NUP50: variants seen among roughly 807,000 people sequenced by gnomAD.
The protein encoded by NUP50 is nucleoporin 50.
Under a neutral mutation model 36.8 loss-of-function variants are expected in NUP50, and 14 were observed. The observed-to-expected ratio is 0.38, with a 90% CI of 0.25 to 0.59. The LOEUF is 0.59. NUP50 is among the 20% of genes least tolerant of loss of function. The probability of loss-of-function intolerance (pLI) is 0.63; values close to 1 mark genes in which losing one functional copy is unlikely to be tolerated. For missense variants in NUP50, 455 were observed against 564.6 expected (o/e 0.81, Z 1.97); for synonymous variants, 195 against 210.8 (o/e 0.93, Z 0.65).
In NUP50 at chr22:45,179,010, T is replaced by A. The variant is rs367990904; in HGVS notation, c.1003+110T>A. 104 of 1,037,234 alleles carry A rather than the reference T, an allele frequency of 1.0e-4. No individual in the cohort carries two copies. In the East Asian group the frequency reaches 2.0e-3, roughly 20 times the overall value. The allele number at this position is 1,037,234 out of a possible 1,614,324, so 64.3% of individuals were successfully genotyped here. On this transcript the variant is annotated intron_variant, in intron 5 of 7. Transcript: ENST00000347635. Reference sequence around the variant, plus strand: ...AGTCTGGATTCACATTGAGACGTTGTTCTCTCCATGTGTGATCTCAGACAG... The same window carrying A: ...AGTCTGGATTCACATTGAGACGTTGATCTCTCCATGTGTGATCTCAGACAG...
In NUP50 at chr22:45,185,534, A is replaced by G. The variant is rs982794213; in HGVS notation, c.*879A>G. 8 of 152,154 alleles carry G rather than the reference A, an allele frequency of 5.3e-5. No individual in the cohort carries two copies. Among genetic ancestry groups the G allele is most frequent in the South Asian group, 2.1e-4 (1 of 4,818 alleles). The allele number at this position is 152,154 out of a possible 1,614,324, so 9.4% of individuals were successfully genotyped here. On this transcript the variant is annotated 3_prime_UTR_variant, in exon 8 of 8. Transcript: ENST00000347635. ...TTGTACCATGATCAACCCCACGCAC[A>G]TGAAAACTGTGACCAAGTGACGTGC...
intron 2 of NUP50, among the ~76,000 whole-genome samples, chr22:45,168,546 A>C (rs132863): frequency 0.2 from 31,019 of 152,062 alleles, 3,729 homozygotes; most frequent in East Asian, 0.57. Context: ...CGTATACTTG[A>C]AGCATTCTGA....
intron 4 of NUP50, among the ~76,000 whole-genome samples, chr22:45,176,972 C>T (rs2074286225): frequency 6.6e-6 from 1 of 152,040 alleles, no homozygotes; most frequent in East Asian, 1.9e-4. Context: ...GATCTCTTGA[C>T]CTTGTGATCC....
At chr22:45,174,991 G>A (rs2074255080) in intron 3 of NUP50, among the ~76,000 whole-genome samples, 1 of 151,762 alleles carries the variant, frequency 6.6e-6, no homozygotes, top group Non-Finnish European at 1.5e-5. Flanking sequence ...TGAAATCATG[G>A]TTATAATTCA....
At chr22:45,167,584 G>A (rs1601766007) in intron 1 of NUP50, among the ~76,000 whole-genome samples, 1 of 152,102 alleles carries the variant, frequency 6.6e-6, no homozygotes, top group East Asian at 1.9e-4. Context: ...ACTTCTAATT[G>A]TCTTGGCAAT....
intron 2 of NUP50, 112 bp downstream of exon 2, chr22:45,168,358 C>A: frequency 1.4e-6 from 1 of 716,298 alleles, no homozygotes; most frequent in Non-Finnish European, 2.4e-6. Context: ...CTAAGAACAT[C>A]ATGAATGGGA....
intron 1 of NUP50, among the ~76,000 whole-genome samples, chr22:45,166,979 C>T (rs187495212): frequency 1.1e-4 from 16 of 152,242 alleles, no homozygotes; most frequent in Admixed American, 9.1e-4. Context: ...ACTCCACTGG[C>T]CATCAAATTG....
intron 7 of NUP50, 133 bp from the exon 8 acceptor site, chr22:45,184,320 T>C (rs1255491722): frequency 2.5e-6 from 2 of 802,536 alleles, no homozygotes; most frequent in African/African-American, 3.5e-5. Context: ...AGTCCTGATT[T>C]TGTGCTGTCC....
chr22:45,178,172 CA>C (rs201267646), intron 4 of NUP50, 65 bp from the exon 5 acceptor site: 5 of 1,465,636 alleles, frequency 3.4e-6, no homozygotes, highest in African/African-American at 1.4e-5. Flanking sequence ...GGCAGAGTGG[CA>C]AAAAAATCTA....
At chr22:45,171,753 G>A (rs1187746392) in intron 3 of NUP50, 70 bp downstream of exon 3, 24 of 1,163,288 alleles carry the variant, frequency 2.1e-5, no homozygotes, top group Middle Eastern at 1.9e-4. Context: ...CAATCCCTCC[G>A]CTGGGAGCAA....
intron 1 of NUP50, among the ~76,000 whole-genome samples, chr22:45,167,638 ATC>A (rs1569042385): frequency 6.6e-6 from 1 of 152,208 alleles, no homozygotes; most frequent in African/African-American, 2.4e-5. Context: ...GGAACCATGT[ATC>A]TCTGTCGGCT....
At chr22:45,172,951 C>T (rs917031436) in intron 3 of NUP50, among the ~76,000 whole-genome samples, 3 of 152,166 alleles carry the variant, frequency 2.0e-5, no homozygotes, top group Admixed American at 6.5e-5. Flanking sequence ...TACATGAAAT[C>T]GATTCTCAGG....
intron 2 of NUP50, 97 bp downstream of exon 2, chr22:45,168,343 C>CAAA: frequency 1.2e-6 from 1 of 841,782 alleles, no homozygotes; most frequent in Non-Finnish European, 1.9e-6. Flanking sequence ...AACTAAAAGA[C>CAAA]CTTTCTAAGA....
intron 3 of NUP50, among the ~76,000 whole-genome samples, chr22:45,174,221 A>G (rs1032645193): frequency 6.9e-6 from 1 of 145,332 alleles, no homozygotes; most frequent in Non-Finnish European, 1.5e-5. Flanking sequence ...TTTGTCGCCC[A>G]GGGTGGAGTG....
chr22:45,164,984 T>G (rs2074072551), intron 1 of NUP50: 1 of 152,216 alleles, frequency 6.6e-6, no homozygotes, highest in Non-Finnish European at 1.5e-5. Flanking sequence ...TTGGCCCCCT[T>G]GTTGTTTTCC....
rs748085595 is a variant in NUP50 at position 45,178,676 on chromosome 22, A to G, written c.779A>G (p.Asp260Gly). The change falls in exon 5 of 8, where the codon GAC (aspartate) becomes GGC (glycine). Residue 260 changes from aspartate (D) to glycine (G), a missense_variant. Physicochemically the swap from Asp to Gly is moderately conservative, Grantham distance 94. Around this residue, in one of 3 missense-constraint regions of NUP50, gnomAD observed 287 missense variants for 345.5 expected, o/e 0.83. Coordinates refer to ENST00000347635, the MANE Select transcript of NUP50 (RefSeq NM_007172.4). ...KMEVASEKKTDPSSLGATSAS... is the reference protein window; with the variant it reads ...KMEVASEKKTGPSSLGATSAS... ...GAGGTGGCATCTGAAAAGAAAACGG[A>G]CCCATCATCACTAGGAGCGACAAGT... is the stretch of plus-strand genomic sequence containing the variant. The G allele has an allele frequency of 5.0e-6, 8 of 1,611,904 alleles. No homozygotes were observed. In the African/African-American group the frequency reaches 9.4e-5, roughly 19 times the overall value.
In NUP50 at chr22:45,178,535, A is replaced by G. The variant is rs760673053; in HGVS notation, c.638A>G (p.Asn213Ser). ...NSGRNSESES[N>S]KVAAETQSPS... Reference sequence around the variant, plus strand: ...GGCAGGAATTCTGAAAGTGAATCTAACAAAGTGGCAGCTGAAACACAGTCT... The same window carrying G: ...GGCAGGAATTCTGAAAGTGAATCTAGCAAAGTGGCAGCTGAAACACAGTCT... Residue 213 changes from asparagine to serine, a missense_variant, in exon 5 of 8, where the codon AAC becomes AGC. This residue lies in a region of NUP50 where 287 missense variants were observed against 345.5 expected (regional missense o/e 0.83). Transcript: ENST00000347635. 6.2e-7 allele frequency: 1 copy of G among 1,612,094 alleles called. No individual in the cohort carries two copies. The highest frequency in any genetic ancestry group is 1.7e-5 in the Admixed American group (1 of 60,020).
intron 2 of NUP50, 99 bp downstream of exon 2, chr22:45,168,345 T>G: frequency 1.2e-6 from 1 of 824,470 alleles, no homozygotes. Flanking sequence ...CTAAAAGACC[T>G]TTCTAAGAAC....
intron 1 of NUP50, chr22:45,166,234 T>C (rs1417915026): frequency 6.6e-6 from 1 of 152,110 alleles, no homozygotes; most frequent in East Asian, 1.9e-4. Context: ...AGTTTTTGTG[T>C]ATTCAGCTCC....
Sources: gnomAD v4.1 joint callset for allele counts (sites outside exome capture counted in the v4.1 genomes callset) on GRCh38, gnomAD v4.1.1 for gene constraint, gnomAD v4.1.1 regional missense constraint, MANE v1.5 for transcripts, NCBI Gene and HGNC (gene_info 2026-07-23, HGNC 2026-07-21) for gene names.